The following UBR3 variants were observed in gnomAD, a reference collection of about 807,000 sequenced individuals.
UBR3 encodes the protein E3 ubiquitin-protein ligase UBR3.
UBR3 carries 85 observed loss-of-function variants against 243.2 expected under a neutral mutation model. The observed-to-expected ratio is 0.35, with a 90% CI of 0.29 to 0.42. The LOEUF (loss-of-function observed/expected upper bound fraction) is 0.42. UBR3 is among the 10% of genes least tolerant of loss of function. The pLI is 1.00. For missense variants in UBR3, 1,686 were observed against 2,300.8 expected, an observed-to-expected ratio of 0.73 and a Z score of 5.47; for synonymous variants, 748 against 799.8, an observed-to-expected ratio of 0.94 and a Z score of 1.09.
chr2:169,992,530 C>G (rs2089317787), intron 25 of UBR3, among the ~76,000 whole-genome samples: 1 of 152,154 alleles, frequency 6.6e-6, no homozygotes, highest in African/African-American at 2.4e-5. Flanking sequence ...AATGCAGCAG[C>G]ATATTAAGAG....
intron 36 of UBR3, among the ~76,000 whole-genome samples, chr2:170,079,475 T>C (rs993191958): frequency 1.3e-5 from 2 of 152,234 alleles, no homozygotes; most frequent in African/African-American, 4.8e-5. Context: ...ACCTTTGCAC[T>C]ATGCATGTTT....
At chr2:170,053,624 C>T (rs971543801) in intron 32 of UBR3, among the ~76,000 whole-genome samples, 4 of 152,220 alleles carry the variant, frequency 2.6e-5, no homozygotes, top group Non-Finnish European at 5.9e-5. Context: ...GGACCCCCAA[C>T]ACAGCCACTT....
At chr2:170,064,309 TACC>T (rs2091510139) in intron 35 of UBR3, among the ~76,000 whole-genome samples, 1 of 152,186 alleles carries the variant, frequency 6.6e-6, no homozygotes, top group Admixed American at 6.5e-5. Context: ...TTAGAACGAT[TACC>T]TTTTTCTTTA....
intron 17 of UBR3, 84 bp from the exon 18 acceptor site, chr2:169,928,643 G>T: frequency 1.7e-6 from 2 of 1,177,094 alleles, no homozygotes; most frequent in Non-Finnish European, 2.3e-6. Context: ...GTCTACTTCA[G>T]CAAAATGAGA....
chr2:169,829,882 A>G (rs953672130), intron 1 of UBR3, among the ~76,000 whole-genome samples: 7 of 151,126 alleles, frequency 4.6e-5, no homozygotes, highest in African/African-American at 1.5e-4. Flanking sequence ...CTAGTCTTCT[A>G]TCTGTCCAGT....
At chr2:169,935,645 G>A (rs955546905) in intron 19 of UBR3, among the ~76,000 whole-genome samples, 1 of 152,146 alleles carries the variant, frequency 6.6e-6, no homozygotes, top group Admixed American at 6.5e-5. Flanking sequence ...AATGGCTGCT[G>A]CCCCATGTTT....
rs2086633356 is a variant in UBR3, at chr2:169,942,549, C to T, written c.2720C>T (p.Thr907Ile). The T allele has an allele frequency of 4.5e-6, 7 of 1,550,390 alleles. No individual in the cohort carries two copies. The highest frequency in any genetic ancestry group is 6.1e-6 in the Non-Finnish European group (7 of 1,146,704). ...GNPWPPYKKRTSLHPSYKGLM... is the reference protein window; with the variant it reads ...GNPWPPYKKRISLHPSYKGLM... ...CCCTGGCCTCCATATAAGAAAAGGACATCACTCCATCCTAGCTATAAAGGT... is the reference window on the plus strand; with the variant it reads ...CCCTGGCCTCCATATAAGAAAAGGATATCACTCCATCCTAGCTATAAAGGT... The change falls in exon 20 of 39, where the codon ACA becomes ATA. Residue 907 changes from threonine to isoleucine, a missense_variant. By Grantham distance (89) the Thr-to-Ile change is moderately conservative. Around this residue, in one of 8 missense-constraint regions of UBR3, gnomAD observed 300 missense variants for 314.4 expected, o/e 0.95. Coordinates refer to ENST00000272793, the MANE Select transcript of UBR3 (RefSeq NM_172070.4).
chr2:169,902,934 C>T (rs1160955892), intron 8 of UBR3, among the ~76,000 whole-genome samples: 7 of 152,134 alleles, frequency 4.6e-5, no homozygotes, highest in Non-Finnish European at 7.4e-5. Flanking sequence ...ATTGTAGTCT[C>T]GCTTTATTTG....
At chr2:170,021,205 C>T (rs1442665475) in intron 30 of UBR3, among the ~76,000 whole-genome samples, 1 of 152,058 alleles carries the variant, frequency 6.6e-6, no homozygotes, top group Non-Finnish European at 1.5e-5. Flanking sequence ...TCTCCTATTT[C>T]AACACTATAA....
chr2:170,076,772 G>A (rs778631511), intron 36 of UBR3, among the ~76,000 whole-genome samples: 9 of 152,176 alleles, frequency 5.9e-5, no homozygotes, highest in South Asian at 2.1e-4. Flanking sequence ...TTCTGAAAGG[G>A]CTGAGCTTCT....
At chr2:169,969,765 G>A (rs1009023519) in intron 24 of UBR3, among the ~76,000 whole-genome samples, 3 of 145,220 alleles carry the variant, frequency 2.1e-5, no homozygotes, top group African/African-American at 5.0e-5. Flanking sequence ...TAGCCAGGAT[G>A]GTCTCCATCT....
intron 1 of UBR3, among the ~76,000 whole-genome samples, chr2:169,865,508 A>T (rs2083228353): frequency 6.6e-6 from 1 of 152,086 alleles, no homozygotes; most frequent in African/African-American, 2.4e-5. Flanking sequence ...TCTCAAAATT[A>T]CTTAGACCAT....
At chr2:169,977,713 C>G (rs1313263482) in intron 24 of UBR3, among the ~76,000 whole-genome samples, 1 of 152,202 alleles carries the variant, frequency 6.6e-6, no homozygotes, top group Admixed American at 6.5e-5. Context: ...AGATGTTCCT[C>G]TTTCATTCAC....
At chr2:169,991,927 A>G (rs939140228) in intron 25 of UBR3, among the ~76,000 whole-genome samples, 21 of 152,200 alleles carry the variant, frequency 1.4e-4, no homozygotes, top group African/African-American at 4.6e-4. Flanking sequence ...AGAATAAATT[A>G]CAAATGAAAT....
chr2:170,019,842 C>A (rs535020755), intron 30 of UBR3, among the ~76,000 whole-genome samples: 1 of 152,174 alleles, frequency 6.6e-6, no homozygotes, highest in Non-Finnish European at 1.5e-5. Context: ...GTGGCACAAT[C>A]ATAGTTCACT....
chr2:169,862,007 G>A (rs903495821), intron 1 of UBR3, among the ~76,000 whole-genome samples: 3 of 151,938 alleles, frequency 2.0e-5, no homozygotes, highest in African/African-American at 7.3e-5. Context: ...TGCCTTTATT[G>A]TAAATTCCAC....
chr2:169,869,878 A>G (rs1366760392), intron 1 of UBR3, among the ~76,000 whole-genome samples: 1 of 151,972 alleles, frequency 6.6e-6, no homozygotes, highest in African/African-American at 2.4e-5. Flanking sequence ...TTTCTTATCC[A>G]TTTTTGAGAG....
chr2:169,929,754 G>C (rs2086049355), intron 18 of UBR3, among the ~76,000 whole-genome samples: 1 of 152,154 alleles, frequency 6.6e-6, no homozygotes, highest in Admixed American at 6.5e-5. Context: ...GATTTACACA[G>C]TCTTTTTTTG....
intron 11 of UBR3, among the ~76,000 whole-genome samples, chr2:169,919,128 G>GT (rs2085586940): frequency 1.3e-5 from 2 of 152,208 alleles, no homozygotes; most frequent in Non-Finnish European, 2.9e-5. Context: ...CAGAAGCTTA[G>GT]TAAGTTAGGG....
Sources: allele counts gnomAD v4.1 joint callset (sites outside exome capture counted in the v4.1 genomes callset), GRCh38; gene constraint gnomAD v4.1.1; regional missense constraint gnomAD v4.1.1; transcripts MANE v1.5; gene names NCBI Gene and HGNC (gene_info 2026-07-23, HGNC 2026-07-21).